The following CTNNA3 variants were observed in gnomAD, a reference collection of about 807,000 sequenced individuals.
CTNNA3 encodes catenin alpha-3.
Under a neutral mutation model 95.7 loss-of-function variants are expected in CTNNA3, and 76 were observed. That is an observed-to-expected ratio of 0.79 (90% confidence interval 0.66 to 0.96). CTNNA3 has a LOEUF of 0.96. Ranked by LOEUF, CTNNA3 falls within the 40% of genes least tolerant of loss-of-function variation. The pLI, the probability that CTNNA3 is intolerant of heterozygous loss-of-function variation, is 0.00. For synonymous variants in CTNNA3, 431 were observed against 374.4 expected, an observed-to-expected ratio of 1.15 and a Z score of -1.74; for missense variants, 1,191 against 1,089.8, an observed-to-expected ratio of 1.09 and a Z score of -1.31.
chr10:66,381,445 T>G (rs540897266), intron 11 of CTNNA3, among the ~76,000 whole-genome samples: 2 of 152,230 alleles, frequency 1.3e-5, no homozygotes, highest in Non-Finnish European at 2.9e-5. Context: ...AATATCTCTC[T>G]AGTAGAATTT....
At chr10:67,443,244 C>T (rs1440355436) in intron 5 of CTNNA3, among the ~76,000 whole-genome samples, 2 of 150,976 alleles carry the variant, frequency 1.3e-5, no homozygotes, top group South Asian at 2.1e-4. Context: ...TGAAGAGTGC[C>T]GCAATAAACA....
At chr10:67,027,529 G>C (rs890240872) in intron 7 of CTNNA3, among the ~76,000 whole-genome samples, 1 of 149,302 alleles carries the variant, frequency 6.7e-6, no homozygotes, top group Middle Eastern at 3.3e-3. Flanking sequence ...CTGCTTCCTG[G>C]GTTCAAGTGA....
chr10:67,320,856 T>A (rs555563808), intron 5 of CTNNA3, among the ~76,000 whole-genome samples: 1 of 152,136 alleles, frequency 6.6e-6, no homozygotes, highest in East Asian at 1.9e-4. Flanking sequence ...AAGAAGAGAA[T>A]TGAGATTGGA....
intron 7 of CTNNA3, among the ~76,000 whole-genome samples, chr10:66,992,715 T>C (rs1164573756): frequency 1.3e-5 from 2 of 152,186 alleles, no homozygotes; most frequent in Non-Finnish European, 2.9e-5. Flanking sequence ...TTAATCAATC[T>C]GTTGTTTGTA....
intron 9 of CTNNA3, among the ~76,000 whole-genome samples, chr10:66,763,339 C>G (rs12255441): frequency 0.63 from 81,280 of 128,152 alleles, 24,032 homozygotes; most frequent in African/African-American, 0.75. Context: ...CACACACACA[C>G]ACAGAGAGAG....
intron 12 of CTNNA3, among the ~76,000 whole-genome samples, chr10:66,352,713 T>C (rs1201208916): frequency 6.6e-6 from 1 of 152,068 alleles, no homozygotes. Flanking sequence ...AACATAGGGA[T>C]GAAATGAAAA....
At chr10:65,927,957 G>A (rs1358182869) in intron 17 of CTNNA3, among the ~76,000 whole-genome samples, 1 of 152,042 alleles carries the variant, frequency 6.6e-6, no homozygotes. Context: ...AGTCACACTT[G>A]GTATTTTGAT....
intron 5 of CTNNA3, among the ~76,000 whole-genome samples, chr10:67,510,117 T>C (rs1333727053): frequency 6.6e-6 from 1 of 152,192 alleles, no homozygotes; most frequent in Non-Finnish European, 1.5e-5. Context: ...ATTGCAAAAA[T>C]TTTTTCCCAT....
At chr10:67,309,317 T>C (rs1378616234) in intron 5 of CTNNA3, among the ~76,000 whole-genome samples, 1 of 152,206 alleles carries the variant, frequency 6.6e-6, no homozygotes, top group Non-Finnish European at 1.5e-5. Flanking sequence ...AGTGAAATAC[T>C]ATGTCATCTT....
intron 7 of CTNNA3, among the ~76,000 whole-genome samples, chr10:67,004,066 A>T (rs1851832120): frequency 6.6e-6 from 1 of 152,040 alleles, no homozygotes; most frequent in African/African-American, 2.4e-5. Context: ...ACCTAACATA[A>T]ATAACTTACC....
At chr10:65,944,890 A>ATCT (rs1554818875) in intron 17 of CTNNA3, among the ~76,000 whole-genome samples, 1 of 96,434 alleles carries the variant, frequency 1.0e-5, no homozygotes, top group Non-Finnish European at 2.5e-5. Flanking sequence ...CTATCTATCT[A>ATCT]TCTATCTATC....
intron 7 of CTNNA3, among the ~76,000 whole-genome samples, chr10:66,805,298 T>C (rs1841595015): frequency 6.6e-6 from 1 of 151,754 alleles, no homozygotes; most frequent in East Asian, 1.9e-4. Context: ...GTCCTGTGAG[T>C]CCTCCTTGCA....
chr10:66,083,251 A>G (rs2080838055), intron 14 of CTNNA3, among the ~76,000 whole-genome samples: 2 of 152,192 alleles, frequency 1.3e-5, no homozygotes, highest in Non-Finnish European at 2.9e-5. Flanking sequence ...TAATACTAGA[A>G]TAACATCATT....
chr10:66,461,753 C>A (rs1016249109), intron 11 of CTNNA3, among the ~76,000 whole-genome samples: 1 of 150,384 alleles, frequency 6.6e-6, no homozygotes, highest in Non-Finnish European at 1.5e-5. Context: ...AATATTTCCT[C>A]ATTTCAAAGA....
intron 7 of CTNNA3, among the ~76,000 whole-genome samples, chr10:66,898,266 G>A (rs1176865450): frequency 2.0e-5 from 3 of 151,906 alleles, no homozygotes; most frequent in Non-Finnish European, 4.4e-5. Flanking sequence ...TGTACAAAAT[G>A]TGACTCAATA....
chr10:66,308,489 A>G (rs1240825161), intron 12 of CTNNA3, among the ~76,000 whole-genome samples: 1 of 152,200 alleles, frequency 6.6e-6, no homozygotes, highest in Non-Finnish European at 1.5e-5. Flanking sequence ...TAAATTTCTG[A>G]AAGAGGGCAT....
At chr10:67,065,246 C>T (rs556394020) in intron 7 of CTNNA3, among the ~76,000 whole-genome samples, 3 of 152,236 alleles carry the variant, frequency 2.0e-5, no homozygotes, top group Non-Finnish European at 2.9e-5. Flanking sequence ...CATACACATG[C>T]TGTATGGCCT....
At chr10:66,021,204 T>C (rs1421157508) in intron 15 of CTNNA3, among the ~76,000 whole-genome samples, 1 of 152,176 alleles carries the variant, frequency 6.6e-6, no homozygotes, top group Non-Finnish European at 1.5e-5. Context: ...AATATAAGAA[T>C]TGTAGGTGCT....
chr10:67,328,879 A>C (rs942825458), intron 5 of CTNNA3, among the ~76,000 whole-genome samples: 1 of 152,060 alleles, frequency 6.6e-6, no homozygotes, highest in African/African-American at 2.4e-5. Context: ...TATAGGACTT[A>C]TTTGGTTTTG....
Sources: allele counts gnomAD v4.1 joint callset (sites outside exome capture counted in the v4.1 genomes callset), GRCh38; gene constraint gnomAD v4.1.1; transcripts MANE v1.5; gene names NCBI Gene and HGNC (gene_info 2026-07-23, HGNC 2026-07-21).